The following SOS2 variants were observed in gnomAD, a reference collection of about 807,000 sequenced individuals.
The protein encoded by SOS2 is son of sevenless homolog 2.
SOS2 carries 65 observed loss-of-function variants against 148.2 expected under a neutral mutation model. The ratio of observed to expected loss-of-function variants is 0.44; its 90% CI spans 0.36 to 0.54. The LOEUF is 0.54. Ranked by LOEUF, SOS2 falls within the 20% of genes least tolerant of loss-of-function variation. The pLI, the probability that SOS2 is intolerant of heterozygous loss-of-function variation, is 0.00. For synonymous variants in SOS2, 539 were observed against 537.1 expected (o/e 1.00, Z -0.05); for missense variants, 1,341 against 1,590.2 (o/e 0.84, Z 2.67).
intron 4 of SOS2, among the ~76,000 whole-genome samples, chr14:50,196,914 C>T (rs949443413): frequency 6.6e-6 from 1 of 152,154 alleles, no homozygotes. Context: ...GTCACCTAGG[C>T]TGGTGTGCAG....
At position 50,161,567 on chromosome 14, in the gene SOS2, A is replaced by T; in HGVS notation, c.1111T>A (p.Leu371Met). 1 of 1,613,080 alleles carries T rather than the reference A, an allele frequency of 6.2e-7. No individual in the cohort carries two copies. Among genetic ancestry groups the T allele is most frequent in the Non-Finnish European group, 8.5e-7 (1 of 1,179,224 alleles). The change falls in exon 9 of 23, where the codon TTG becomes ATG. Residue 371 changes from leucine (L) to methionine (M), a missense_variant. Physicochemically the swap from Leu to Met is conservative, Grantham distance 15 (BLOSUM62 2). This residue lies in a region of SOS2 where 574 missense variants were observed against 711.1 expected (regional missense o/e 0.81). Coordinates refer to ENST00000216373, the MANE Select transcript of SOS2 (RefSeq NM_006939.4). ...CSEEQEDRECLNQAITALMNL... is the reference protein window; with the variant it reads ...CSEEQEDRECMNQAITALMNL... ...ATGAGAGCAGTAATAGCTTGGTTCA[A>T]ACATTCTCTGTCTTCTTGTTCTTCA... is the stretch of plus-strand genomic sequence containing the variant.
chr14:50,195,338 A>G (rs890115773), intron 4 of SOS2, among the ~76,000 whole-genome samples: 11 of 152,228 alleles, frequency 7.2e-5, no homozygotes, highest in African/African-American at 2.7e-4. Flanking sequence ...ACAGTTTTAG[A>G]AATCAGTCTA....
chr14:50,193,081 C>T (rs1030282319), intron 4 of SOS2, among the ~76,000 whole-genome samples: 3 of 151,976 alleles, frequency 2.0e-5, no homozygotes, highest in African/African-American at 7.3e-5. Context: ...CTCAAACAAT[C>T]CTCCCACCTC....
intron 4 of SOS2, among the ~76,000 whole-genome samples, chr14:50,193,421 A>G (rs1194787606): frequency 6.6e-6 from 1 of 152,172 alleles, no homozygotes; most frequent in Non-Finnish European, 1.5e-5. Flanking sequence ...TTTCATTAGT[A>G]GTAACTTATA....
intron 5 of SOS2, among the ~76,000 whole-genome samples, chr14:50,185,691 CAAAA>C (rs1374798483): frequency 1.2e-5 from 1 of 83,082 alleles, no homozygotes; most frequent in Non-Finnish European, 2.6e-5. Flanking sequence ...GACTCTGTCT[CAAAA>C]AAAAAAAAAA....
chr14:50,150,971 C>T (rs969560332), intron 13 of SOS2, among the ~76,000 whole-genome samples: 1 of 152,054 alleles, frequency 6.6e-6, no homozygotes, highest in Admixed American at 6.6e-5. Flanking sequence ...GATCTGCCTG[C>T]CTTGGCCTCT....
intron 4 of SOS2, among the ~76,000 whole-genome samples, chr14:50,198,095 GGAAT>G (rs1886370806): frequency 6.6e-6 from 1 of 150,792 alleles, no homozygotes; most frequent in African/African-American, 2.4e-5. Context: ...ATATGATTCT[GGAAT>G]GAATGATTTT....
intron 21 of SOS2, among the ~76,000 whole-genome samples, chr14:50,127,240 C>T (rs540627110): frequency 6.7e-6 from 1 of 149,686 alleles, no homozygotes; most frequent in Non-Finnish European, 1.5e-5. Flanking sequence ...CTCCCGGGTT[C>T]AAGCAATTCT....
At chr14:50,214,229 T>C (rs768734460) in intron 1 of SOS2, among the ~76,000 whole-genome samples, 15 of 151,882 alleles carry the variant, frequency 9.9e-5, no homozygotes, top group Non-Finnish European at 2.1e-4. Context: ...TGGAAGGCCA[T>C]AGTAAGGAAA....
chr14:50,160,718 G>A (rs1431680789), intron 9 of SOS2, among the ~76,000 whole-genome samples: 1 of 152,166 alleles, frequency 6.6e-6, no homozygotes, highest in Non-Finnish European at 1.5e-5. Context: ...AGGCTGGGTT[G>A]GCCAGGTGCA....
chr14:50,222,517 T>C (rs1475198861), intron 1 of SOS2, among the ~76,000 whole-genome samples: 3 of 152,086 alleles, frequency 2.0e-5, no homozygotes, highest in African/African-American at 7.2e-5. Context: ...GATGTAGCAG[T>C]TTTAGATAGG....
intron 8 of SOS2, among the ~76,000 whole-genome samples, chr14:50,167,043 A>G (rs865989665): frequency 2.6e-5 from 4 of 152,122 alleles, no homozygotes; most frequent in African/African-American, 4.8e-5. Context: ...CTCCCTCTCT[A>G]AAAAGAAATA....
At chr14:50,229,893 A>G (rs1887489403) in intron 1 of SOS2, among the ~76,000 whole-genome samples, 1 of 152,210 alleles carries the variant, frequency 6.6e-6, no homozygotes, top group Non-Finnish European at 1.5e-5. Flanking sequence ...TTCAGGCCAG[A>G]GTTCATTTTC....
chr14:50,142,969 T>C (rs759398963), intron 16 of SOS2, among the ~76,000 whole-genome samples: 7 of 152,182 alleles, frequency 4.6e-5, no homozygotes, highest in Non-Finnish European at 5.9e-5. Context: ...AAAAAAAGTC[T>C]TTCCAGGTAC....
chr14:50,231,156 G>C (rs779352048), intron 1 of SOS2, 41 bp downstream of exon 1: 1 of 1,235,968 alleles, frequency 8.1e-7, no homozygotes, highest in Non-Finnish European at 1.1e-6. Context: ...AGCTCGGGGG[G>C]CCACGGGCCA....
intron 5 of SOS2, among the ~76,000 whole-genome samples, chr14:50,184,134 AT>A (rs1885835281): frequency 1.3e-5 from 2 of 152,234 alleles, no homozygotes; most frequent in South Asian, 4.1e-4. Context: ...ATATATGGGT[AT>A]TTATAGTCTT....
At chr14:50,201,444 G>A (rs1282007609) in intron 2 of SOS2, among the ~76,000 whole-genome samples, 1 of 150,380 alleles carries the variant, frequency 6.6e-6, no homozygotes, top group Non-Finnish European at 1.5e-5. Context: ...TGAGGTGGGA[G>A]GATTGCTTGA....
chr14:50,228,043 A>AT (rs5808544), intron 1 of SOS2, among the ~76,000 whole-genome samples: 260 of 142,528 alleles, frequency 1.8e-3, no homozygotes, highest in South Asian at 4.9e-3. Context: ...GATGCAAGTA[A>AT]TTTTTTTTTT....
intron 4 of SOS2, among the ~76,000 whole-genome samples, chr14:50,191,001 C>CATA (rs1886116105): frequency 6.6e-6 from 1 of 152,196 alleles, no homozygotes; most frequent in South Asian, 2.1e-4. Flanking sequence ...TAGAGTAGGT[C>CATA]ATACTTGCTA....
Sources: gnomAD v4.1 joint callset for allele counts (sites outside exome capture counted in the v4.1 genomes callset) on GRCh38, gnomAD v4.1.1 for gene constraint, gnomAD v4.1.1 regional missense constraint, MANE v1.5 for transcripts, NCBI Gene and HGNC (gene_info 2026-07-23, HGNC 2026-07-21) for gene names.